The following TMEM132B variants were observed in gnomAD, a reference collection of about 807,000 sequenced individuals.
The protein encoded by TMEM132B is transmembrane protein 132B.
In TMEM132B, 18 loss-of-function variants were observed where a neutral mutation model predicts 90.8. The ratio of observed to expected loss-of-function variants is 0.20; its 90% CI spans 0.14 to 0.29. TMEM132B has a LOEUF of 0.29. Ranked by LOEUF, TMEM132B falls within the 10% of genes least tolerant of loss-of-function variation. The pLI is 1.00. For missense variants in TMEM132B, 1,096 were observed against 1,326.8 expected (o/e 0.83, Z 2.70); for synonymous variants, 504 against 523.3 (o/e 0.96, Z 0.50).
At chr12:125,518,404 T>C (rs1047913136) in intron 3 of TMEM132B, among the ~76,000 whole-genome samples, 1 of 152,150 alleles carries the variant, frequency 6.6e-6, no homozygotes, top group Non-Finnish European at 1.5e-5. Flanking sequence ...TCAGCCTACA[T>C]TGGTCCTAGG....
intron 5 of TMEM132B, among the ~76,000 whole-genome samples, chr12:125,623,823 A>G (rs1170439119): frequency 2.6e-5 from 4 of 152,218 alleles, no homozygotes; most frequent in Non-Finnish European, 5.9e-5. Context: ...GCTGGCCCCA[A>G]GGCAGGTCTG....
chr12:125,203,553 A>T (rs900102764), intron 1 of TMEM132B, among the ~76,000 whole-genome samples: 1 of 152,222 alleles, frequency 6.6e-6, no homozygotes, highest in African/African-American at 2.4e-5. Context: ...TGACACCAGC[A>T]TATTCATTTT....
intron 3 of TMEM132B, among the ~76,000 whole-genome samples, chr12:125,428,377 A>G (rs540249068): frequency 6.6e-6 from 1 of 152,034 alleles, no homozygotes; most frequent in South Asian, 2.1e-4. Flanking sequence ...TTCTTATGTC[A>G]TTATTTTTTA....
intron 1 of TMEM132B, among the ~76,000 whole-genome samples, chr12:125,250,999 G>C (rs1874306044): frequency 6.6e-6 from 1 of 152,158 alleles, no homozygotes; most frequent in Admixed American, 6.5e-5. Flanking sequence ...TGATTTTGTT[G>C]TTACATTTAA....
intron 1 of TMEM132B, among the ~76,000 whole-genome samples, chr12:125,308,857 T>A (rs1416644729): frequency 6.6e-6 from 1 of 152,168 alleles, no homozygotes; most frequent in African/African-American, 2.4e-5. Flanking sequence ...GCAAATATGA[T>A]CATGAATTTA....
chr12:125,451,001 G>A (rs1315133676), intron 3 of TMEM132B, among the ~76,000 whole-genome samples: 11 of 152,144 alleles, frequency 7.2e-5, no homozygotes, highest in African/African-American at 1.9e-4. Flanking sequence ...ATGTGTGTGT[G>A]TGTGTATGTT....
At chr12:125,357,514 A>G (rs949834881) in intron 2 of TMEM132B, among the ~76,000 whole-genome samples, 4 of 152,280 alleles carry the variant, frequency 2.6e-5, no homozygotes, top group Non-Finnish European at 4.4e-5. Context: ...ATCTGGTACC[A>G]TAAATGGAAA....
chr12:125,419,352 C>T (rs1880109740), intron 3 of TMEM132B, among the ~76,000 whole-genome samples: 1 of 152,180 alleles, frequency 6.6e-6, no homozygotes, highest in South Asian at 2.1e-4. Flanking sequence ...ACTCACAGTT[C>T]CACATGGCTG....
chr12:125,364,037 TAC>T (rs1878046937), intron 2 of TMEM132B, among the ~76,000 whole-genome samples: 1 of 152,256 alleles, frequency 6.6e-6, no homozygotes, highest in Non-Finnish European at 1.5e-5. Flanking sequence ...TACAGTAGCA[TAC>T]AGTTTAAAAC....
At chr12:125,339,965 T>G (rs1877124183) in intron 1 of TMEM132B, among the ~76,000 whole-genome samples, 2 of 152,186 alleles carry the variant, frequency 1.3e-5, no homozygotes, top group Non-Finnish European at 2.9e-5. Flanking sequence ...TCCACATTAA[T>G]TTCAGCTACA....
At chr12:125,434,831 G>A (rs950036729) in intron 3 of TMEM132B, among the ~76,000 whole-genome samples, 1 of 144,060 alleles carries the variant, frequency 6.9e-6, no homozygotes, top group Admixed American at 6.9e-5. Flanking sequence ...AACCCCTGAA[G>A]TGGTGTGTTT....
At chr12:125,267,507 T>G (rs1874723289) in intron 1 of TMEM132B, among the ~76,000 whole-genome samples, 1 of 152,184 alleles carries the variant, frequency 6.6e-6, no homozygotes, top group African/African-American at 2.4e-5. Context: ...GAAAGGAAAC[T>G]AGAATTAGCC....
intron 1 of TMEM132B, among the ~76,000 whole-genome samples, chr12:125,239,743 C>T (rs369629892): frequency 1.3e-5 from 2 of 152,204 alleles, no homozygotes; most frequent in African/African-American, 2.4e-5. Flanking sequence ...TCCCGGCGAG[C>T]GCTGCCGTGG....
chr12:125,291,232 C>A (rs767142158), intron 1 of TMEM132B, among the ~76,000 whole-genome samples: 10 of 152,214 alleles, frequency 6.6e-5, no homozygotes, highest in Non-Finnish European at 1.0e-4. Flanking sequence ...AAGGCCCTCA[C>A]CAGAACCCGG....
chr12:125,513,739 A>G (rs1469876526), intron 3 of TMEM132B, among the ~76,000 whole-genome samples: 1 of 152,138 alleles, frequency 6.6e-6, no homozygotes, highest in Non-Finnish European at 1.5e-5. Flanking sequence ...ACGCCCTTCC[A>G]CTGTCTTCTG....
chr12:125,349,652 A>G lies in TMEM132B; in HGVS notation c.268A>G (p.Asn90Asp), dbSNP rs373629070. ...IYRARTPPIINASYGPFSVEK... is the reference protein window; with the variant it reads ...IYRARTPPIIDASYGPFSVEK... ...CCGAGCCAGGACACCCCCTATTATC[A>G]ATGCCAGCTATGGCCCATTTTCAGT... is the stretch of plus-strand genomic sequence containing the variant. Residue 90 changes from asparagine to aspartate, a missense_variant, in exon 2 of 9, where the codon AAT becomes GAT. Coordinates refer to ENST00000682704, the MANE Select transcript of TMEM132B (RefSeq NM_001366854.1). The surrounding 1 kb of genome is among the most constrained non-coding windows in gnomAD (Gnocchi z 4.1). 2.9e-5 allele frequency: 46 copies of G among 1,613,916 alleles called. No individual in the cohort carries two copies. The highest frequency in any genetic ancestry group is 3.3e-4 in the Middle Eastern group (2 of 6,084).
At chr12:125,385,101 G>A (rs1253057162) in intron 2 of TMEM132B, among the ~76,000 whole-genome samples, 1 of 152,144 alleles carries the variant, frequency 6.6e-6, no homozygotes, top group Non-Finnish European at 1.5e-5. Context: ...GCCTCCATGT[G>A]CCTGACTTAT....
rs1458075923 is a variant in TMEM132B, at chr12:125,432,528, T to TATATATATATAGAGAG, written c.1106+16852_1106+16853insTATATATATAGAGAGA. On this transcript the variant is annotated intron_variant, in intron 3 of 8. Coordinates refer to ENST00000682704, the MANE Select transcript of TMEM132B (RefSeq NM_001366854.1). Reference sequence around the variant, plus strand: ...GTGTGTGTGTATATATATATATATATAGAGAGAGAGAGAGAGAGAGAGAGA... The same window carrying TATATATATATAGAGAG: ...GTGTGTGTGTATATATATATATATATATATATATATAGAGAGAGAGAGAGAGAGAGAGAGAGAGAGA... 2.6e-4 allele frequency among the ~76,000 whole-genome samples: 10 copies of TATATATATATAGAGAG among 39,124 alleles called. 4 individuals carry two copies. The highest frequency in any genetic ancestry group is 1.2e-3 in the African/African-American group (10 of 8,060). 25.7% of individuals were successfully genotyped at this position (39,124 alleles called of 152,430 possible).
intron 1 of TMEM132B, among the ~76,000 whole-genome samples, chr12:125,255,814 G>A (rs963407721): frequency 6.6e-6 from 1 of 152,192 alleles, no homozygotes; most frequent in African/African-American, 2.4e-5. Flanking sequence ...AACAAGTAGA[G>A]ATGAAAGATG....
Sources: allele counts gnomAD v4.1 joint callset (sites outside exome capture counted in the v4.1 genomes callset), GRCh38; gene constraint gnomAD v4.1.1; non-coding constraint Gnocchi (gnomAD v3.1); transcripts MANE v1.5; gene names NCBI Gene and HGNC (gene_info 2026-07-23, HGNC 2026-07-21).